RLIM: variants seen among roughly 807,000 people sequenced by gnomAD.
RLIM encodes the protein E3 ubiquitin-protein ligase RLIM.
In RLIM, 2 loss-of-function variants were observed where a neutral mutation model predicts 34.0. The observed-to-expected ratio is 0.06, with a 90% confidence interval of 0.02 to 0.19. RLIM has a LOEUF of 0.19. Among genes scored for constraint, RLIM ranks in the 10% least tolerant of loss-of-function variants. The pLI is 1.00. For synonymous variants in RLIM, 169 were observed against 164.0 expected (o/e 1.03, Z -0.23); for missense variants, 286 against 479.7 (o/e 0.60, Z 3.77).
At chrX:74,614,179 G>C (rs2079726317) in intron 1 of RLIM, among the ~76,000 whole-genome samples, 2 of 110,019 alleles carry the variant, frequency 1.8e-5, no homozygotes, top group South Asian at 8.0e-4. Context: ...CGGCCACCGA[G>C]AGGAAGTACT....
rs1931264618 is a variant in RLIM, at chrX:74,583,433, C to A, written c.*8007G>T. The A allele has an allele frequency of 1.4e-6, 1 of 719,716 alleles. No individual in the cohort carries two copies. Among genetic ancestry groups the A allele is most frequent in the African/African-American group, 2.1e-5 (1 of 48,620 alleles). 59.3% of individuals were successfully genotyped at this position (719,716 alleles called of 1,213,427 possible). ...CTTGTGGCTGTGCATTAAGATGTTG[C>A]TGAGGATTGCAAACTCCCGCAGCAT... On this transcript the variant is annotated 3_prime_UTR_variant, in exon 4 of 4. Coordinates refer to ENST00000332687, the MANE Select transcript of RLIM (RefSeq NM_016120.4).
intron 3 of RLIM, among the ~76,000 whole-genome samples, chrX:74,593,426 T>C (rs990424769): frequency 1.8e-5 from 2 of 112,543 alleles, no homozygotes; most frequent in Non-Finnish European, 3.8e-5. Context: ...AAGGAAACAG[T>C]GTTTAACGAA....
chrX:74,604,415 GCAGCA>G (rs1254942248), intron 1 of RLIM, among the ~76,000 whole-genome samples: 1 of 111,604 alleles, frequency 9.0e-6, no homozygotes, highest in African/African-American at 3.3e-5. Flanking sequence ...ACCATATTGG[GCAGCA>G]CAGCTTTAAA....
chrX:74,584,263 C>A lies in RLIM; in HGVS notation c.*7177G>T, dbSNP rs1569307605. 9.0e-6 allele frequency among the ~76,000 whole-genome samples: 1 copy of A among 111,462 alleles called. No individual in the cohort carries two copies. Among genetic ancestry groups the A allele is most frequent in the Non-Finnish European group, 1.9e-5 (1 of 53,155 alleles). ...ATGATTGCAAATAATCTGCTACTTA[C>A]TATGTGACCTGGGCAAATTACCAAA... On this transcript the variant is annotated 3_prime_UTR_variant, in exon 4 of 4. Transcript: ENST00000332687.
Position 74,592,759 on chromosome X carries a change from C to T in RLIM, c.556G>A (p.Ala186Thr), listed in dbSNP as rs1380724035. The change falls in exon 4 of 4, where the codon GCA (alanine) becomes ACA (threonine). Residue 186 changes from alanine (A) to threonine (T), a missense_variant. Physicochemically the swap from Ala to Thr is moderately conservative, Grantham distance 58. Around this residue, in one of 6 missense-constraint regions of RLIM, gnomAD observed 121 missense variants for 182.4 expected, o/e 0.66. Transcript: ENST00000332687. The stretch of plus-strand genomic sequence containing the variant: ...TTTCGTTCTGATCTAGATGGCCTTG[C>T]AGATGTTGATTCAGATCGTGGGTTT... ...VENPRSESTS[A>T]RPSRSERNST... The T allele has an allele frequency of 8.3e-6, 10 of 1,210,159 alleles. No homozygotes were observed. Among genetic ancestry groups the T allele is most frequent in the Middle Eastern group, 2.3e-4 (1 of 4,354 alleles).
At position 74,583,269 on chromosome X, in the gene RLIM, A is replaced by C; in HGVS notation, c.*8171T>G. The C allele has an allele frequency of 2.0e-6, 2 of 1,013,291 alleles. No individual in the cohort carries two copies. Among genetic ancestry groups the C allele is most frequent in the Non-Finnish European group, 2.8e-6 (2 of 713,317 alleles). 83.5% of individuals were successfully genotyped at this position (1,013,291 alleles called of 1,213,427 possible). On this transcript the variant is annotated 3_prime_UTR_variant, in exon 4 of 4. Transcript: ENST00000332687. ...CAACACGCCAGTGATTTTACCGGCA[A>C]GAGTAGGGTGCATGGCTTGAATAAG...
rs767059675 is a variant in RLIM at position 74,592,518 on chromosome X, C to T, written c.797G>A (p.Arg266Gln). The T allele has an allele frequency of 1.7e-6, 2 of 1,211,714 alleles. No individual in the cohort carries two copies. Among genetic ancestry groups the T allele is most frequent in the Non-Finnish European group, 1.1e-6 (1 of 895,450 alleles). ...TTGCTGCCTCAATGTCACATGGTGC[C>T]GGGTTCTAGAACTTCCCTCCGTCTC... ...VNETEGSSRTRHHVTLRQQIS... is the reference protein window; with the variant it reads ...VNETEGSSRTQHHVTLRQQIS... The change falls in exon 4 of 4, where the codon CGG becomes CAG. Residue 266 changes from arginine to glutamine, a missense_variant. Physicochemically the swap from Arg to Gln is conservative, Grantham distance 43. Around this residue, in one of 6 missense-constraint regions of RLIM, gnomAD observed 121 missense variants for 182.4 expected, o/e 0.66. Transcript: ENST00000332687.
chrX:74,584,685 T>C lies in RLIM; in HGVS notation c.*6755A>G, dbSNP rs1931303592. On this transcript the variant is annotated 3_prime_UTR_variant, in exon 4 of 4. Coordinates refer to ENST00000332687, the MANE Select transcript of RLIM (RefSeq NM_016120.4). ...TTGACCTCCCGGGCTCAAGTGATTC[T>C]ACCACCTCAGCCTCCCAAGTAGCTG... 9.0e-6 allele frequency among the ~76,000 whole-genome samples: 1 copy of C among 111,226 alleles called. No individual in the cohort carries two copies. The highest frequency in any genetic ancestry group is 1.9e-5 in the Non-Finnish European group (1 of 53,072).
In RLIM at chrX:74,583,164, G is replaced by C. The variant is rs1931252302; in HGVS notation, c.*8276C>G. 8.4e-6 allele frequency: 10 copies of C among 1,185,460 alleles called. No homozygotes were observed. In the Admixed American group the frequency reaches 2.2e-4, roughly 26 times the overall value. ...TTTAGCTTGGTGGGCTTGTAGTACA[G>C]CTACAGCTTCATCAACCTTAGAATG... is the stretch of plus-strand genomic sequence containing the variant. On this transcript the variant is annotated 3_prime_UTR_variant, in exon 4 of 4. Transcript: ENST00000332687.
intron 1 of RLIM, among the ~76,000 whole-genome samples, chrX:74,613,816 G>C (rs1026042805): frequency 9.1e-6 from 1 of 109,999 alleles, no homozygotes; most frequent in Non-Finnish European, 1.9e-5. Context: ...GGATATGCCA[G>C]GGTTATTCGA....
At position 74,591,165 on chromosome X, in the gene RLIM, G is replaced by T. The variant is rs1304610788; in HGVS notation, c.*275C>A. The T allele has an allele frequency of 4.1e-5, 12 of 293,553 alleles. No homozygotes were observed. In the East Asian group the frequency reaches 5.9e-4, roughly 14 times the overall value. The allele number at this position is 293,553 out of a possible 1,213,427, so 24.2% of individuals were successfully genotyped here. ...CTTTTAAGATAACAAAGGAAAAATT[G>T]ACAAGTGTATATGATAAATTATCAG... On this transcript the variant is annotated 3_prime_UTR_variant, in exon 4 of 4. Transcript: ENST00000332687.
At position 74,589,851 on chromosome X, in the gene RLIM, G is replaced by A. The variant is rs577814837; in HGVS notation, c.*1589C>T. The A allele has an allele frequency of 2.7e-5, 3 of 112,128 alleles. No homozygotes were observed. The highest frequency in any genetic ancestry group is 3.8e-5 in the Non-Finnish European group (2 of 53,197). 9.2% of individuals were successfully genotyped at this position (112,128 alleles called of 1,213,427 possible). On this transcript the variant is annotated 3_prime_UTR_variant, in exon 4 of 4. Transcript: ENST00000332687. ...AAAAAAGAAATTAGGCAAGAAGACT[G>A]GGGTTATCATGAAGTTACTCTTACT...
At chrX:74,602,946 A>G (rs1244279656) in intron 1 of RLIM, among the ~76,000 whole-genome samples, 2 of 109,748 alleles carry the variant, frequency 1.8e-5, no homozygotes, top group Non-Finnish European at 3.8e-5. Flanking sequence ...GCAGAAGCAA[A>G]TAATTCTTCC....
Position 74,587,137 on chromosome X carries a change from C to G in RLIM, c.*4303G>C. ...AAATAAATAAGTGACATACTAGTTC[C>G]TCGGATCTTTTACTTTTTTCCAAAT... is the stretch of plus-strand genomic sequence containing the variant. On this transcript the variant is annotated 3_prime_UTR_variant, in exon 4 of 4. Coordinates refer to ENST00000332687, the MANE Select transcript of RLIM (RefSeq NM_016120.4). 8.9e-6 allele frequency: 1 copy of G among 111,763 alleles called. No homozygotes were observed. Among genetic ancestry groups the G allele is most frequent in the Middle Eastern group, 4.6e-3 (1 of 219 alleles). 9.2% of individuals were successfully genotyped at this position (111,763 alleles called of 1,213,427 possible). A position where few individuals can be genotyped will look rare whatever the true frequency, so the allele number is the denominator to read the frequency against.
Position 74,591,418 on chromosome X carries a change from T to C in RLIM, c.*22A>G, listed in dbSNP as rs377585663. 4.9e-5 allele frequency: 58 copies of C among 1,181,889 alleles called. No homozygotes were observed. In the African/African-American group the frequency reaches 7.8e-4, roughly 16 times the overall value. The stretch of plus-strand genomic sequence containing the variant: ...TTTGCCCATCACTATATCAGCTACA[T>C]AGCTGAGAGTTCAGATCTTAATTAC... On this transcript the variant is annotated 3_prime_UTR_variant, in exon 4 of 4. Coordinates refer to ENST00000332687, the MANE Select transcript of RLIM (RefSeq NM_016120.4).
At chrX:74,598,534 T>G (rs1051824897) in intron 1 of RLIM, among the ~76,000 whole-genome samples, 11 of 110,734 alleles carry the variant, frequency 9.9e-5, no homozygotes, top group Admixed American at 2.9e-4. Flanking sequence ...ATCCCAGCAC[T>G]TTGGGAGGCT....
chrX:74,600,892 T>A (rs1010866729), intron 1 of RLIM, among the ~76,000 whole-genome samples: 3 of 103,208 alleles, frequency 2.9e-5, no homozygotes, highest in Non-Finnish European at 5.9e-5. Flanking sequence ...TGGTGGCCCA[T>A]GCGTGTAATC....
At chrX:74,608,367 C>T (rs759296066) in intron 1 of RLIM, among the ~76,000 whole-genome samples, 3 of 108,029 alleles carry the variant, frequency 2.8e-5, no homozygotes, top group East Asian at 5.8e-4. Flanking sequence ...CCATTTCACT[C>T]AATGTACTTC....
intron 1 of RLIM, among the ~76,000 whole-genome samples, chrX:74,605,662 G>T (rs1377284679): frequency 8.9e-6 from 1 of 111,947 alleles, no homozygotes; most frequent in Admixed American, 9.5e-5. Context: ...AGCATCAGCT[G>T]TTTTTCTATG....
Sources: allele counts gnomAD v4.1 joint callset (sites outside exome capture counted in the v4.1 genomes callset), GRCh38; gene constraint gnomAD v4.1.1; regional missense constraint gnomAD v4.1.1; transcripts MANE v1.5; gene names NCBI Gene and HGNC (gene_info 2026-07-23, HGNC 2026-07-21).